Variants in IL1RAPL1 observed in about 807,000 individuals in gnomAD.
IL1RAPL1 encodes the protein interleukin-1 receptor accessory protein-like 1.
Under a neutral mutation model 48.4 loss-of-function variants are expected in IL1RAPL1, and 3 were observed. The ratio of observed to expected loss-of-function variants is 0.06; its 90% CI spans 0.03 to 0.16. The LOEUF (loss-of-function observed/expected upper bound fraction) is 0.16, where lower values mean the gene tolerates loss of function less well. Among genes scored for constraint, IL1RAPL1 ranks in the 10% least tolerant of loss-of-function variants. The pLI is 1.00. For missense variants in IL1RAPL1, 349 were observed against 530.6 expected (o/e 0.66, Z 3.36); for synonymous variants, 185 against 187.7 (o/e 0.99, Z 0.12).
chrX:29,054,346 G>C lies in IL1RAPL1; in HGVS notation c.83-228592G>C, dbSNP rs540387664. Among the ~76,000 whole-genome samples the C allele has an allele frequency of 7.3e-4, 81 of 111,385 alleles. 1 individual carries two copies. The South Asian group carries it at 0.031, about 42-fold the overall frequency. On this transcript the variant is annotated intron_variant, in intron 2 of 10. Coordinates refer to ENST00000378993, the MANE Select transcript of IL1RAPL1 (RefSeq NM_014271.4). ...AGAGTTTGCTCCCTCACTTTATTCA[G>C]TCTCATCAGAGAGGCCTTTCTTGAC...
intron 2 of IL1RAPL1, among the ~76,000 whole-genome samples, chrX:29,015,080 A>T (rs1258050092): frequency 9.0e-6 from 1 of 111,260 alleles, no homozygotes; most frequent in Admixed American, 9.7e-5. Context: ...GAGCAGATGT[A>T]GTATATTATA....
intron 5 of IL1RAPL1, among the ~76,000 whole-genome samples, chrX:29,516,364 T>C (rs1234704736): frequency 8.9e-6 from 1 of 111,797 alleles, no homozygotes; most frequent in Non-Finnish European, 1.9e-5. Flanking sequence ...TGAACTCCTA[T>C]GTATCAGTTA....
chrX:29,356,000 G>A (rs1429258033), intron 3 of IL1RAPL1, among the ~76,000 whole-genome samples: 1 of 111,661 alleles, frequency 9.0e-6, no homozygotes, highest in Non-Finnish European at 1.9e-5. Flanking sequence ...TATATAGTTT[G>A]TACCTAACGA....
intron 1 of IL1RAPL1, among the ~76,000 whole-genome samples, chrX:28,729,023 A>G (rs760237223): frequency 8.9e-6 from 1 of 112,085 alleles, no homozygotes; most frequent in Non-Finnish European, 1.9e-5. Flanking sequence ...CATTCTAGCT[A>G]TGTTACTCTG....
chrX:29,648,652 A>G (rs778802199), intron 5 of IL1RAPL1, among the ~76,000 whole-genome samples: 2 of 112,067 alleles, frequency 1.8e-5, no homozygotes, highest in Non-Finnish European at 3.8e-5. Context: ...CTAATAGGAA[A>G]GTTTATAACA....
At chrX:29,700,229 C>T (rs1927015734) in intron 6 of IL1RAPL1, among the ~76,000 whole-genome samples, 1 of 111,973 alleles carries the variant, frequency 8.9e-6, no homozygotes, top group Non-Finnish European at 1.9e-5. Context: ...ATATGAAATG[C>T]ACATCATACA....
At chrX:28,865,281 T>C (rs1369067537) in intron 2 of IL1RAPL1, among the ~76,000 whole-genome samples, 1 of 110,142 alleles carries the variant, frequency 9.1e-6, no homozygotes, top group African/African-American at 3.3e-5. Context: ...CTACTAAAAA[T>C]ACAAAAATTA....
intron 6 of IL1RAPL1, among the ~76,000 whole-genome samples, chrX:29,915,807 G>A (rs1376463999): frequency 1.2e-5 from 1 of 84,428 alleles, no homozygotes; most frequent in East Asian, 4.0e-4. Context: ...GTGCAGGTTA[G>A]TTACATATGT....
chrX:29,049,180 C>T (rs1027456423), intron 2 of IL1RAPL1, among the ~76,000 whole-genome samples: 12 of 112,156 alleles, frequency 1.1e-4, no homozygotes, highest in African/African-American at 3.9e-4. Flanking sequence ...ACAAAGCTTC[C>T]AAATTTCTTT....
At chrX:29,320,128 AT>A (rs10716428) in intron 3 of IL1RAPL1, among the ~76,000 whole-genome samples, 4,241 of 112,112 alleles carry the variant, frequency 0.038, 194 homozygotes, top group African/African-American at 0.13. Flanking sequence ...AAATGCGTTG[AT>A]TTTTGAAAAC....
intron 5 of IL1RAPL1, among the ~76,000 whole-genome samples, chrX:29,467,487 T>A (rs1934875792): frequency 8.9e-6 from 1 of 112,532 alleles, no homozygotes; most frequent in Non-Finnish European, 1.9e-5. Flanking sequence ...TTACTCAGCC[T>A]GCAGCACTCA....
intron 5 of IL1RAPL1, among the ~76,000 whole-genome samples, chrX:29,443,248 C>CTCTCTCTCTCTT (rs1934570324): frequency 9.1e-6 from 1 of 109,770 alleles, no homozygotes; most frequent in Non-Finnish European, 1.9e-5. Context: ...CTCTCTCTCT[C>CTCTCTCTCTCTT]TCTCTCTCTC....
intron 3 of IL1RAPL1, among the ~76,000 whole-genome samples, chrX:29,341,847 C>A (rs1463569013): frequency 1.8e-5 from 2 of 111,295 alleles, no homozygotes; most frequent in Non-Finnish European, 3.8e-5. Flanking sequence ...CACTCTCTCA[C>A]CCAGGCTGGA....
chrX:29,675,722 C>G (rs765869043), intron 6 of IL1RAPL1, among the ~76,000 whole-genome samples: 1 of 111,376 alleles, frequency 9.0e-6, no homozygotes, highest in African/African-American at 3.3e-5. Flanking sequence ...TCCCGAGTAG[C>G]TGGGATTACA....
At chrX:28,884,401 T>C (rs1922580578) in intron 2 of IL1RAPL1, among the ~76,000 whole-genome samples, 1 of 111,406 alleles carries the variant, frequency 9.0e-6, no homozygotes. Flanking sequence ...AACTTTATAC[T>C]TGGGAAGGTG....
intron 3 of IL1RAPL1, among the ~76,000 whole-genome samples, chrX:29,363,661 G>A (rs1257530007): frequency 9.0e-6 from 1 of 111,239 alleles, no homozygotes. Flanking sequence ...TCTGCATCTC[G>A]GGAGGCCTCA....
Position 28,666,547 on chromosome X carries a change from C to T in IL1RAPL1, c.-25+78500C>T, listed in dbSNP as rs1365409079. ...TTTTTGAATAAATTTTTTTTGTTTA[C>T]AAACTAAACTATTATTCTGTAAGTA... is the stretch of plus-strand genomic sequence containing the variant. On this transcript the variant is annotated intron_variant, in intron 1 of 10. Transcript: ENST00000378993. Among the ~76,000 whole-genome samples, 5 of 111,607 alleles carry T rather than the reference C, an allele frequency of 4.5e-5. No individual in the cohort carries two copies. The Admixed American group carries it at 4.7e-4, about 11-fold the overall frequency.
At chrX:29,668,644 T>G in intron 6 of IL1RAPL1, 140 bp downstream of exon 6, 4 of 512,703 alleles carry the variant, frequency 7.8e-6, no homozygotes, top group Non-Finnish European at 1.4e-5. Context: ...AATGCTAGCA[T>G]ACCTAGCCAT....
intron 2 of IL1RAPL1, among the ~76,000 whole-genome samples, chrX:28,927,284 T>G (rs374903381): frequency 3.6e-4 from 40 of 111,986 alleles, no homozygotes; most frequent in African/African-American, 1.1e-3. Flanking sequence ...CCACTTGGAC[T>G]CTGGATTTCA....
Sources: allele counts gnomAD v4.1 joint callset (sites outside exome capture counted in the v4.1 genomes callset), GRCh38; gene constraint gnomAD v4.1.1; transcripts MANE v1.5; gene names NCBI Gene and HGNC (gene_info 2026-07-23, HGNC 2026-07-21).